Variants in MOV10 observed in about 807,000 individuals in gnomAD.
MOV10 encodes the protein RNA helicase MOV-10.
MOV10 carries 39 observed loss-of-function variants against 108.4 expected under a neutral mutation model. That is an observed-to-expected ratio of 0.36 (90% confidence interval 0.28 to 0.47). The LOEUF (loss-of-function observed/expected upper bound fraction) is 0.47. MOV10 is among the 20% of genes least tolerant of loss of function. MOV10 has a pLI of 1.00. For synonymous variants in MOV10, 490 were observed against 523.1 expected (o/e 0.94, Z 0.86); for missense variants, 952 against 1,297.6 (o/e 0.73, Z 4.09).
rs2101217872 is a variant in MOV10 at position 112,674,860 on chromosome 1, C to G, written c.-53C>G. ...CGCCAACTTCCAGCTGCAGCGGCGA[C>G]TTTCAGTTTCATTTCCACGGACCCT... On this transcript the variant is annotated 5_prime_UTR_variant, in exon 2 of 21. Transcript: ENST00000369645. The G allele has an allele frequency of 6.6e-7, 1 of 1,508,406 alleles. No individual in the cohort carries two copies. The highest frequency in any genetic ancestry group is 1.5e-5 in the African/African-American group (1 of 68,320). The allele number at this position is 1,508,406 out of a possible 1,614,324, so 93.4% of individuals were successfully genotyped here.
chr1:112,696,074 G>C lies in MOV10; in HGVS notation c.1780-74G>C, dbSNP rs1421937823. ...AAATAAAAATAATTGTTTGAGGGGG[G>C]GTACCCACAGCCAGAATCACGGTGG... is the stretch of plus-strand genomic sequence containing the variant. On this transcript the variant is annotated intron_variant, in intron 11 of 20. Transcript: ENST00000369645. 4.2e-6 allele frequency: 4 copies of C among 963,336 alleles called. No homozygotes were observed. The East Asian group carries it at 7.3e-5, about 18-fold the overall frequency. 59.7% of individuals were successfully genotyped at this position (963,336 alleles called of 1,614,324 possible). A position where few individuals can be genotyped will look rare whatever the true frequency, so the allele number is the denominator to read the frequency against.
intron 5 of MOV10, 95 bp downstream of exon 5, chr1:112,690,193 C>A: frequency 6.8e-7 from 1 of 1,462,430 alleles, no homozygotes. Flanking sequence ...AGCCAGAGCC[C>A]TTTTCCTACA....
At chr1:112,700,166 C>G (rs1674516201) in intron 19 of MOV10, 53 bp from the exon 20 acceptor site, 1 of 1,612,664 alleles carries the variant, frequency 6.2e-7, no homozygotes, top group Admixed American at 1.7e-5. Context: ...TCAGATGGGA[C>G]AGGACCGTGG....
Position 112,694,821 on chromosome 1 carries a change from C to G in MOV10, c.1545C>G (p.Thr515=), listed in dbSNP as rs1329633075. 13 of 1,614,018 alleles carry G rather than the reference C, an allele frequency of 8.1e-6. No homozygotes were observed. The Admixed American group carries it at 1.5e-4, about 19-fold the overall frequency. ...QAMRHIVTGT[T]RPAPYIIFGP... Reference sequence around the variant, plus strand: ...TGAGGCACATTGTTACGGGCACCACCCGTCCAGCCCCCTACATCATCTTTG... The same window carrying G: ...TGAGGCACATTGTTACGGGCACCACGCGTCCAGCCCCCTACATCATCTTTG... The change falls in exon 10 of 21, where the codon ACC becomes ACG. Residue 515 remains threonine (T), a synonymous_variant. Coordinates refer to ENST00000369645, the MANE Select transcript of MOV10 (RefSeq NM_001321324.2). This position sits in a 1 kb window ranked among gnomAD's most constrained non-coding sequence, Gnocchi z 4.1.
rs1435655779 is a variant in MOV10, at chr1:112,689,565, C to T, written c.492C>T (p.Thr164=). Residue 164 remains threonine (T), a synonymous_variant, in exon 4 of 21, where the codon ACC becomes ACT. Transcript: ENST00000369645. ...RLRNGGTQSV[T]LTHLFPLCRT... is the part of the protein sequence containing the mutation. ...GGAATGGCGGAACCCAGTCTGTTACCCTCACTCACCTCTTCCCACTCTGCC... is the reference window on the plus strand; with the variant it reads ...GGAATGGCGGAACCCAGTCTGTTACTCTCACTCACCTCTTCCCACTCTGCC... The T allele has an allele frequency of 1.9e-6, 3 of 1,614,074 alleles. No individual in the cohort carries two copies. The highest frequency in any genetic ancestry group is 2.2e-5 in the East Asian group (1 of 44,896).
At position 112,696,859 on chromosome 1, in the gene MOV10, C is replaced by A; in HGVS notation, c.2198+13C>A. 4.5e-6 allele frequency: 7 copies of A among 1,559,948 alleles called. No homozygotes were observed. Among genetic ancestry groups the A allele is most frequent in the Non-Finnish European group, 6.1e-6 (7 of 1,149,064 alleles). ...TCCGCAACTACAGGTATTCCCATGCCCTTGCCTCCCCTGCCATATCCTATG... is the reference window on the plus strand; with the variant it reads ...TCCGCAACTACAGGTATTCCCATGCACTTGCCTCCCCTGCCATATCCTATG... On this transcript the variant is annotated intron_variant, in intron 14 of 20. Coordinates refer to ENST00000369645, the MANE Select transcript of MOV10 (RefSeq NM_001321324.2).
chr1:112,695,726 TGTAA>T (rs1160526395), intron 11 of MOV10, 152 bp downstream of exon 11: 39 of 588,688 alleles, frequency 6.6e-5, no homozygotes, highest in South Asian at 4.7e-4. Context: ...TCAGTTTGTC[TGTAA>T]GTGAGGGGGG....
intron 2 of MOV10, among the ~76,000 whole-genome samples, chr1:112,685,721 A>G (rs75637641): frequency 1.3e-5 from 2 of 151,488 alleles, no homozygotes; most frequent in Admixed American, 1.3e-4. Context: ...TTACATGTAT[A>G]ATACAAGGAT....
intron 2 of MOV10, among the ~76,000 whole-genome samples, chr1:112,684,548 G>A (rs1421718271): frequency 2.6e-5 from 4 of 152,130 alleles, no homozygotes; most frequent in African/African-American, 7.2e-5. Flanking sequence ...GATTACAGGC[G>A]TGAGCCACCG....
intron 15 of MOV10, 34 bp from the exon 16 acceptor site, chr1:112,698,253 T>G: frequency 6.2e-7 from 1 of 1,605,148 alleles, no homozygotes; most frequent in Admixed American, 1.7e-5. Flanking sequence ...GGGAGGGTGG[T>G]CTGGCTGACG....
chr1:112,695,025 A>G (rs1368305891), intron 10 of MOV10, 129 bp downstream of exon 10: 4 of 1,186,894 alleles, frequency 3.4e-6, no homozygotes, highest in South Asian at 1.6e-5. Flanking sequence ...AAAGAGAGGT[A>G]GGGGCCGGGT....
chr1:112,687,506 C>T (rs191639070), intron 2 of MOV10, among the ~76,000 whole-genome samples: 47 of 152,312 alleles, frequency 3.1e-4, no homozygotes, highest in African/African-American at 9.1e-4. Flanking sequence ...GTATGTGGCA[C>T]GTGGGAATGT....
In MOV10 at chr1:112,700,724, C is replaced by T; in HGVS notation, c.*217C>T. The T allele has an allele frequency of 3.3e-6, 5 of 1,513,956 alleles. No homozygotes were observed. The highest frequency in any genetic ancestry group is 4.4e-6 in the Non-Finnish European group (5 of 1,137,612). The allele number at this position is 1,513,956 out of a possible 1,614,324, so 93.8% of individuals were successfully genotyped here. A position where few individuals can be genotyped will look rare whatever the true frequency, so the allele number is the denominator to read the frequency against. Reference sequence around the variant, plus strand: ...AGGAAGAAAACTCTGAAAACAAAATCTTGTTCTATGCAAAAGCCTTGATAA... The same window carrying T: ...AGGAAGAAAACTCTGAAAACAAAATTTTGTTCTATGCAAAAGCCTTGATAA... On this transcript the variant is annotated 3_prime_UTR_variant, in exon 21 of 21. Transcript: ENST00000369645.
intron 2 of MOV10, among the ~76,000 whole-genome samples, chr1:112,686,581 C>G (rs770852124): frequency 6.6e-6 from 1 of 152,182 alleles, no homozygotes; most frequent in Non-Finnish European, 1.5e-5. Context: ...TAATACTAGG[C>G]TGTAACCTTG....
At chr1:112,680,202 T>G (rs1333813472) in intron 2 of MOV10, among the ~76,000 whole-genome samples, 3 of 152,102 alleles carry the variant, frequency 2.0e-5, no homozygotes, top group Non-Finnish European at 4.4e-5. Flanking sequence ...ATGTGTAGCA[T>G]GTATCATCTC....
At chr1:112,695,386 C>G in intron 10 of MOV10, 30 bp from the exon 11 acceptor site, 1 of 1,608,468 alleles carries the variant, frequency 6.2e-7, no homozygotes, top group Non-Finnish European at 8.5e-7. Context: ...CAGGAACCTG[C>G]CTCCCACACT....
At chr1:112,676,815 T>A (rs1198738876) in intron 2 of MOV10, among the ~76,000 whole-genome samples, 2 of 152,104 alleles carry the variant, frequency 1.3e-5, no homozygotes, top group South Asian at 4.1e-4. Context: ...GGCCTAAGAC[T>A]GAAGGGTTTG....
At chr1:112,676,666 C>T (rs1672221200) in intron 2 of MOV10, among the ~76,000 whole-genome samples, 2 of 152,126 alleles carry the variant, frequency 1.3e-5, no homozygotes, top group South Asian at 4.1e-4. Context: ...TAACAAGATT[C>T]TTGTTAAAGG....
At position 112,699,759 on chromosome 1, in the gene MOV10, C is replaced by T. The variant is rs1674466534; in HGVS notation, c.2658C>T (p.Ser886=). The change falls in exon 18 of 21, where the codon AGC becomes AGT. Residue 886 remains serine (S), a synonymous_variant. Transcript: ENST00000369645. ...ILISTVRSSQ[S]FVQLDLDFNL... is the part of the protein sequence containing the mutation. ...TCTCCACCGTGCGAAGCAGCCAGAGCTTTGTGCAGCTGGATCTGGACTTTA... is the reference window on the plus strand; with the variant it reads ...TCTCCACCGTGCGAAGCAGCCAGAGTTTTGTGCAGCTGGATCTGGACTTTA... The T allele has an allele frequency of 5.0e-6, 8 of 1,614,248 alleles. No individual in the cohort carries two copies. The highest frequency in any genetic ancestry group is 6.8e-6 in the Non-Finnish European group (8 of 1,180,048).
Sources: gnomAD v4.1 joint callset for allele counts (sites outside exome capture counted in the v4.1 genomes callset) on GRCh38, gnomAD v4.1.1 for gene constraint, Gnocchi (gnomAD v3.1) non-coding constraint, MANE v1.5 for transcripts, NCBI Gene and HGNC (gene_info 2026-07-23, HGNC 2026-07-21) for gene names.